TNIP3: variants seen among roughly 807,000 people sequenced by gnomAD.
TNIP3 encodes TNFAIP3-interacting protein 3.
In TNIP3, 34 loss-of-function variants were observed where a neutral mutation model predicts 54.1. The ratio of observed to expected loss-of-function variants is 0.63; its 90% CI spans 0.48 to 0.84. The LOEUF is 0.84. TNIP3 is among the 40% of genes least tolerant of loss of function. The probability of loss-of-function intolerance (pLI) is 0.00; values close to 1 mark genes in which losing one functional copy is unlikely to be tolerated. For missense variants in TNIP3, 366 were observed against 387.6 expected (o/e 0.94, Z 0.47); for synonymous variants, 134 against 136.8 (o/e 0.98, Z 0.14).
At chr4:121,183,576 T>C (rs1159218024) in intron 2 of TNIP3, among the ~76,000 whole-genome samples, 2 of 152,220 alleles carry the variant, frequency 1.3e-5, no homozygotes, top group African/African-American at 4.8e-5. Flanking sequence ...GGCAGGCAAG[T>C]GAGCAAAGCT....
chr4:121,214,855 T>C (rs1726695371), intron 2 of TNIP3, among the ~76,000 whole-genome samples: 1 of 152,214 alleles, frequency 6.6e-6, no homozygotes, highest in South Asian at 2.1e-4. Flanking sequence ...ATGCTTATTG[T>C]AGACCCACAG....
Position 121,170,166 on chromosome 4 carries a change from T to C in TNIP3, c.190-6020A>G, listed in dbSNP as rs934803564. 3.9e-5 allele frequency among the ~76,000 whole-genome samples: 6 copies of C among 152,264 alleles called. No homozygotes were observed. The East Asian group carries it at 1.2e-3, about 29-fold the overall frequency. Reference sequence around the variant, plus strand: ...GAAGCATCAACTCTAGCACTTATTGTAAAGCAGTTGTTAATTCGATGTACC... The same window carrying C: ...GAAGCATCAACTCTAGCACTTATTGCAAAGCAGTTGTTAATTCGATGTACC... On this transcript the variant is annotated intron_variant, in intron 3 of 12. Coordinates refer to the TNIP3 transcript ENST00000507879.
chr4:121,173,795 AT>A (rs1184014426), intron 3 of TNIP3, among the ~76,000 whole-genome samples: 15 of 152,018 alleles, frequency 9.9e-5, no homozygotes, highest in Non-Finnish European at 2.9e-5. Context: ...TGCCCAGCTA[AT>A]TTTTTTGTAA....
intron 4 of TNIP3, among the ~76,000 whole-genome samples, chr4:121,155,468 C>A (rs924426435): frequency 2.0e-5 from 3 of 152,184 alleles, no homozygotes; most frequent in African/African-American, 7.2e-5. Context: ...CCTTTCATTA[C>A]AGATCATTAT....
chr4:121,180,885 G>A (rs555368803), intron 3 of TNIP3, among the ~76,000 whole-genome samples: 1 of 152,002 alleles, frequency 6.6e-6, no homozygotes, highest in African/African-American at 2.4e-5. Flanking sequence ...TTAAGCCTTG[G>A]GTCTCACCTC....
At chr4:121,199,204 T>C (rs1725752527) in intron 2 of TNIP3, among the ~76,000 whole-genome samples, 1 of 152,078 alleles carries the variant, frequency 6.6e-6, no homozygotes, top group African/African-American at 2.4e-5. Context: ...TAGGGAAACC[T>C]GGGACACACT....
upstream of TNIP3, among the ~76,000 whole-genome samples, chr4:121,217,037 T>C (rs569180577): frequency 6.6e-5 from 10 of 152,174 alleles, no homozygotes; most frequent in Non-Finnish European, 1.3e-4. Context: ...GAAAAAAAAC[T>C]GTACTTCCGA....
intron 3 of TNIP3, among the ~76,000 whole-genome samples, chr4:121,178,802 C>T (rs1204799911): frequency 6.6e-6 from 1 of 152,178 alleles, no homozygotes; most frequent in Non-Finnish European, 1.5e-5. Context: ...ACTACTGTTG[C>T]TTTCTAGAAA....
intron 4 of TNIP3, among the ~76,000 whole-genome samples, chr4:121,156,417 T>C (rs1008849247): frequency 3.9e-5 from 6 of 152,188 alleles, no homozygotes; most frequent in African/African-American, 7.2e-5. Flanking sequence ...GTCATCTCAA[T>C]TGTCACCATC....
At chr4:121,150,788 T>C (rs773800807) in intron 5 of TNIP3, among the ~76,000 whole-genome samples, 1 of 152,226 alleles carries the variant, frequency 6.6e-6, no homozygotes, top group African/African-American at 2.4e-5. Context: ...TGAAAGCCCA[T>C]GCAGATTCAT....
At chr4:121,167,274 T>C (rs1730817672), upstream of TNIP3, among the ~76,000 whole-genome samples, 1 of 152,054 alleles carries the variant, frequency 6.6e-6, no homozygotes, top group South Asian at 2.1e-4. Context: ...TCAATATATA[T>C]ATATTTGAAA....
chr4:121,152,728 A>G (rs1011136051), intron 5 of TNIP3, among the ~76,000 whole-genome samples: 4 of 152,194 alleles, frequency 2.6e-5, no homozygotes, highest in Non-Finnish European at 4.4e-5. Context: ...ATATTTTACA[A>G]ATGTGTTGTT....
intron 2 of TNIP3, among the ~76,000 whole-genome samples, chr4:121,199,400 C>T (rs538729370): frequency 2.5e-4 from 38 of 152,188 alleles, no homozygotes; most frequent in South Asian, 6.2e-4. Context: ...TATAAGAAAA[C>T]AATATTACTA....
intron 2 of TNIP3, among the ~76,000 whole-genome samples, chr4:121,197,619 A>G (rs1436879782): frequency 6.6e-6 from 1 of 152,142 alleles, no homozygotes; most frequent in African/African-American, 2.4e-5. Flanking sequence ...TGAAGAATCG[A>G]AGAGAGTAAT....
chr4:121,181,546 T>C (rs1724698299), intron 3 of TNIP3, among the ~76,000 whole-genome samples: 1 of 152,134 alleles, frequency 6.6e-6, no homozygotes, highest in Non-Finnish European at 1.5e-5. Flanking sequence ...CACACAACAC[T>C]GTTCATGACA....
chr4:121,199,522 C>T (rs140760594), intron 2 of TNIP3, among the ~76,000 whole-genome samples: 1 of 152,272 alleles, frequency 6.6e-6, no homozygotes, highest in African/African-American at 2.4e-5. Flanking sequence ...GAGGAAGTGA[C>T]ACCTGGGAAC....
Position 121,155,562 on chromosome 4 carries a change from T to A in TNIP3, c.364-883A>T, listed in dbSNP as rs1730032608. 2.6e-5 allele frequency among the ~76,000 whole-genome samples: 4 copies of A among 152,192 alleles called. 1 individual carries two copies. Among genetic ancestry groups the A allele is most frequent in the Admixed American group, 2.6e-4 (4 of 15,286 alleles). ...CTGCCACCACTCCTCCAATTTTAGATGACAATCTAAAATTGTCATCCAGAA... is the reference window on the plus strand; with the variant it reads ...CTGCCACCACTCCTCCAATTTTAGAAGACAATCTAAAATTGTCATCCAGAA... On this transcript the variant is annotated intron_variant, in intron 4 of 10. Coordinates refer to ENST00000057513, the MANE Select transcript of TNIP3 (RefSeq NM_024873.6).
chr4:121,224,468 T>A (rs981471709), intron 1 of TNIP3, among the ~76,000 whole-genome samples: 2 of 152,208 alleles, frequency 1.3e-5, no homozygotes, highest in African/African-American at 4.8e-5. Flanking sequence ...CTTTTACCTG[T>A]AAAGCTCAAG....
At chr4:121,179,077 G>T (rs1371207852) in intron 3 of TNIP3, among the ~76,000 whole-genome samples, 2 of 152,184 alleles carry the variant, frequency 1.3e-5, no homozygotes, top group African/African-American at 2.4e-5. Flanking sequence ...AAAAAAGGCA[G>T]TTCATCAAAT....
Sources: allele counts gnomAD v4.1 joint callset (sites outside exome capture counted in the v4.1 genomes callset), GRCh38; gene constraint gnomAD v4.1.1; transcripts MANE v1.5; gene names NCBI Gene and HGNC (gene_info 2026-07-23, HGNC 2026-07-21).